The following RAPSN variants were observed in gnomAD, a reference collection of about 807,000 sequenced individuals.
RAPSN encodes receptor associated protein of the synapse, also known as 43 kDa receptor-associated protein of the synapse.
Under a neutral mutation model 45.7 loss-of-function variants are expected in RAPSN, and 33 were observed. The observed-to-expected ratio is 0.72, with a 90% CI of 0.55 to 0.97. The LOEUF (loss-of-function observed/expected upper bound fraction) is 0.97, where lower values mean the gene tolerates loss of function less well. Ranked by LOEUF, RAPSN falls within the 50% of genes least tolerant of loss-of-function variation. The pLI, the probability that RAPSN is intolerant of heterozygous loss-of-function variation, is 0.00. For missense variants in RAPSN, 519 were observed against 559.4 expected (o/e 0.93, Z 0.73); for synonymous variants, 244 against 233.6 (o/e 1.04, Z -0.40).
In RAPSN at chr11:47,441,924, G is replaced by T. The variant is rs1368407181; in HGVS notation, c.691-3C>A. ...TGCAGCGCGATCTTCATAGACTCCT[G>T]CGAGGGAGGCCAGTGGCTCAGGCCT... On this transcript the variant is annotated splice_region_variant and splice_polypyrimidine_tract_variant and intron_variant, in intron 3 of 7. Transcript: ENST00000298854. 1.3e-6 allele frequency: 2 copies of T among 1,509,028 alleles called. No homozygotes were observed. Among genetic ancestry groups the T allele is most frequent in the Non-Finnish European group, 8.9e-7 (1 of 1,127,624 alleles). 93.5% of individuals were successfully genotyped at this position (1,509,028 alleles called of 1,614,324 possible).
chr11:47,444,542 A>AC (rs1565685945), intron 2 of RAPSN, among the ~76,000 whole-genome samples: 1 of 151,800 alleles, frequency 6.6e-6, no homozygotes, highest in African/African-American at 2.4e-5. Flanking sequence ...CTGTCTCAAA[A>AC]AAAAACAAAA....
At chr11:47,444,198 G>A (rs1277248968) in intron 2 of RAPSN, among the ~76,000 whole-genome samples, 1 of 151,900 alleles carries the variant, frequency 6.6e-6, no homozygotes, top group African/African-American at 2.4e-5. Context: ...CCACATAAAT[G>A]TTTTACAGAT....
chr11:47,437,836 G>C lies in RAPSN; in HGVS notation c.*139C>G. On this transcript the variant is annotated 3_prime_UTR_variant, in exon 8 of 8. Transcript: ENST00000298854. The stretch of plus-strand genomic sequence containing the variant: ...GCAGGGAGGGGAGCTGGGCCCAGGG[G>C]AGCAGCCCTGGGCAGGCCCCAAGGC... 3 of 1,037,624 alleles carry C rather than the reference G, an allele frequency of 2.9e-6. No individual in the cohort carries two copies. Among genetic ancestry groups the C allele is most frequent in the Non-Finnish European group, 4.4e-6 (3 of 686,118 alleles). The allele number at this position is 1,037,624 out of a possible 1,614,324, so 64.3% of individuals were successfully genotyped here.
At position 47,449,015 on chromosome 11, in the gene RAPSN, C is replaced by T; in HGVS notation, c.-51G>A. 6.2e-7 allele frequency: 1 copy of T among 1,607,566 alleles called. No homozygotes were observed. The highest frequency in any genetic ancestry group is 1.1e-5 in the South Asian group (1 of 90,944). On this transcript the variant is annotated 5_prime_UTR_variant, in exon 1 of 8. Coordinates refer to ENST00000298854, the MANE Select transcript of RAPSN (RefSeq NM_005055.5). Reference sequence around the variant, plus strand: ...GGGGTGATCCCTGGTGGCTCCGTGCCTCTAGGCACTCATGGGGCAGGAATC... The same window carrying T: ...GGGGTGATCCCTGGTGGCTCCGTGCTTCTAGGCACTCATGGGGCAGGAATC...
At position 47,447,783 on chromosome 11, in the gene RAPSN, A is replaced by G. The variant is rs777890127; in HGVS notation, c.531+29T>C. ...TGAGAGGGGAGCCCCAAAACCCTCC[A>G]CTGCTGTCCCCCTGGGGTGCAGGCC... is the stretch of plus-strand genomic sequence containing the variant. On this transcript the variant is annotated intron_variant, in intron 2 of 7. Coordinates refer to ENST00000298854, the MANE Select transcript of RAPSN (RefSeq NM_005055.5). 2.5e-6 allele frequency: 4 copies of G among 1,593,240 alleles called. No homozygotes were observed. The African/African-American group carries it at 5.4e-5, about 21-fold the overall frequency.
rs755385806 is a variant in RAPSN at position 47,438,780 on chromosome 11, T to C, written c.1118A>G (p.Lys373Arg). The C allele has an allele frequency of 5.1e-6, 8 of 1,568,182 alleles. No individual in the cohort carries two copies. The South Asian group carries it at 9.3e-5, about 18-fold the overall frequency. ...CGLCGESIGE[K>R]NSRLQALPCS... ...AGGTAGGGCCTGCAGCCGGCTGTTC[T>C]TCTCGCCTATGGACTCGCCGCACAG... The change falls in exon 7 of 8, where the codon AAG (lysine) becomes AGG (arginine). Residue 373 changes from lysine to arginine, a missense_variant. Transcript: ENST00000298854.
Position 47,438,835 on chromosome 11 carries a change from A to G in RAPSN, c.1063T>C (p.Cys355Arg), listed in dbSNP as rs771059775. The G allele has an allele frequency of 2.5e-6, 4 of 1,573,632 alleles. No homozygotes were observed. The South Asian group carries it at 3.5e-5, about 14-fold the overall frequency. Residue 355 changes from cysteine to arginine, a missense_variant, in exon 7 of 8, where the codon TGC becomes CGC. Cys to Arg is a radical substitution (Grantham distance 180, BLOSUM62 -3). Transcript: ENST00000298854. ...CAGTAGAGCTCCGTCTCCTCCACGC[A>G]CTCGTGGAACCTCACAACGTGCGCC... ...LRAHVVRFHECVEETELYCGL... is the reference protein window; with the variant it reads ...LRAHVVRFHERVEETELYCGL...
rs368766328 is a variant in RAPSN at position 47,440,608 on chromosome 11, T to C, written c.966+551A>G. Reference sequence around the variant, plus strand: ...ATAAAAAATACAAAAATTAGCCCAGTGTGGTGGCGGGTGCCTATAATCCCA... The same window carrying C: ...ATAAAAAATACAAAAATTAGCCCAGCGTGGTGGCGGGTGCCTATAATCCCA... On this transcript the variant is annotated intron_variant, in intron 6 of 7. Coordinates refer to ENST00000298854, the MANE Select transcript of RAPSN (RefSeq NM_005055.5). 4.6e-5 allele frequency among the ~76,000 whole-genome samples: 7 copies of C among 152,132 alleles called. No individual in the cohort carries two copies. In the South Asian group the frequency reaches 1.2e-3, roughly 27 times the overall value.
intron 6 of RAPSN, 39 bp downstream of exon 6, chr11:47,441,120 C>A: frequency 6.2e-7 from 1 of 1,612,224 alleles, no homozygotes; most frequent in Non-Finnish European, 8.5e-7. Context: ...CCCACTTGGG[C>A]CCTTGACCCC....
At position 47,443,480 on chromosome 11, in the gene RAPSN, A is replaced by G. The variant is rs747790765; in HGVS notation, c.532-666T>C. 3.0e-4 allele frequency among the ~76,000 whole-genome samples: 45 copies of G among 152,068 alleles called. No homozygotes were observed. The Middle Eastern group carries it at 0.014, about 46-fold the overall frequency. On this transcript the variant is annotated intron_variant, in intron 2 of 7. Transcript: ENST00000298854. ...CTCCCATCTCCGCACCTCTGCTCCCACGCTCCCTGCCTCCTTTCCTGTCAC... is the reference window on the plus strand; with the variant it reads ...CTCCCATCTCCGCACCTCTGCTCCCGCGCTCCCTGCCTCCTTTCCTGTCAC...
At chr11:47,443,034 C>T (rs2076378300) in intron 2 of RAPSN, among the ~76,000 whole-genome samples, 1 of 152,236 alleles carries the variant, frequency 6.6e-6, no homozygotes, top group South Asian at 2.1e-4. Context: ...GTTTGTGACG[C>T]ATCCCAAGAG....
intron 2 of RAPSN, among the ~76,000 whole-genome samples, chr11:47,444,144 C>CA (rs1390193384): frequency 3.3e-5 from 5 of 151,798 alleles, no homozygotes; most frequent in African/African-American, 1.2e-4. Context: ...ATAACCCCCC[C>CA]AAAAAACCCT....
intron 5 of RAPSN, 137 bp downstream of exon 5, chr11:47,441,474 G>A: frequency 6.8e-7 from 1 of 1,468,190 alleles, no homozygotes; most frequent in African/African-American, 1.4e-5. Flanking sequence ...CCTGGAAAAT[G>A]ACCAGGAATG....
At chr11:47,442,165 G>A (rs2076370909) in intron 3 of RAPSN, among the ~76,000 whole-genome samples, 1 of 152,208 alleles carries the variant, frequency 6.6e-6, no homozygotes, top group Admixed American at 6.5e-5. Flanking sequence ...TGACAAAGCT[G>A]GGATGTGAAC....
At chr11:47,443,600 C>G (rs1595899972) in intron 2 of RAPSN, among the ~76,000 whole-genome samples, 1 of 152,082 alleles carries the variant, frequency 6.6e-6, no homozygotes. Flanking sequence ...CTTTCCCATC[C>G]ACGTGCAAAC....
At chr11:47,443,816 G>A (rs1189196526) in intron 2 of RAPSN, among the ~76,000 whole-genome samples, 1 of 150,526 alleles carries the variant, frequency 6.6e-6, no homozygotes, top group Non-Finnish European at 1.5e-5. Context: ...GTAGTTCCAA[G>A]CTACTCAAGA....
chr11:47,444,642 AAG>A (rs1182665569), intron 2 of RAPSN, among the ~76,000 whole-genome samples: 1 of 151,748 alleles, frequency 6.6e-6, no homozygotes, highest in Non-Finnish European at 1.5e-5. Context: ...GCAGATCATG[AAG>A]TCAGGAGATC....
intron 5 of RAPSN, 48 bp from the exon 6 acceptor site, chr11:47,441,260 G>A (rs1415591018): frequency 1.2e-6 from 2 of 1,608,294 alleles, no homozygotes; most frequent in South Asian, 2.2e-5. Context: ...TGTCTGACAG[G>A]CCTTGCTCAC....
At chr11:47,441,944 A>G in intron 3 of RAPSN, 23 bp from the exon 4 acceptor site, 1 of 1,551,494 alleles carries the variant, frequency 6.4e-7, no homozygotes, top group Non-Finnish European at 8.7e-7. Flanking sequence ...CCAGTGGCTC[A>G]GGCCTACTCC....
Sources: allele counts gnomAD v4.1 joint callset (sites outside exome capture counted in the v4.1 genomes callset), GRCh38; gene constraint gnomAD v4.1.1; transcripts MANE v1.5; gene names NCBI Gene and HGNC (gene_info 2026-07-23, HGNC 2026-07-21).